The following B4GALNT2 variants were observed in gnomAD, a reference collection of about 807,000 sequenced individuals.
B4GALNT2 encodes the protein N-acetylneuraminylgalactosylglucosyl-glucoside beta-1,4-N- acetylgalactosaminyltransferase 2.
A neutral mutation model predicts 51.1 loss-of-function variants in B4GALNT2; 42 were observed. The ratio of observed to expected loss-of-function variants is 0.82; its 90% CI spans 0.64 to 1.06. The LOEUF (loss-of-function observed/expected upper bound fraction) is 1.06, where lower values mean the gene tolerates loss of function less well. B4GALNT2 is among the 50% of genes least tolerant of loss of function. B4GALNT2 has a pLI of 0.00. For missense variants in B4GALNT2, 602 were observed against 633.6 expected (o/e 0.95, Z 0.54); for synonymous variants, 253 against 251.7 (o/e 1.01, Z -0.05).
Position 49,160,545 on chromosome 17 carries a change from C to A in B4GALNT2, c.680-10C>A. 6.2e-7 allele frequency: 1 copy of A among 1,611,148 alleles called. No individual in the cohort carries two copies. Among genetic ancestry groups the A allele is most frequent in the Non-Finnish European group, 8.5e-7 (1 of 1,177,284 alleles). ...TACTCCCTGTGCCATTATCTTATTT[C>A]TCCCTCCAGTGAGTCTGGAGTCCAG... On this transcript the variant is annotated splice_polypyrimidine_tract_variant and intron_variant, in intron 6 of 10. Coordinates refer to ENST00000393354, the MANE Select transcript of B4GALNT2 (RefSeq NM_001159387.2).
chr17:49,145,634 C>T (rs2042687909), intron 3 of B4GALNT2, among the ~76,000 whole-genome samples: 1 of 152,152 alleles, frequency 6.6e-6, no homozygotes, highest in Non-Finnish European at 1.5e-5. Flanking sequence ...ACCTTCATTC[C>T]TGAAGGGTCT....
At chr17:49,151,859 A>G (rs1170975830) in intron 3 of B4GALNT2, among the ~76,000 whole-genome samples, 1 of 152,120 alleles carries the variant, frequency 6.6e-6, no homozygotes. Flanking sequence ...CTTGTGATTT[A>G]GTTTATTTAT....
chr17:49,129,833 T>C (rs368713683), upstream of B4GALNT2, among the ~76,000 whole-genome samples: 20 of 152,314 alleles, frequency 1.3e-4, no homozygotes, highest in African/African-American at 3.6e-4. Flanking sequence ...TGGTCCGAGA[T>C]GTCATTTGTG....
chr17:49,158,640 A>AC (rs1420358556), intron 5 of B4GALNT2, among the ~76,000 whole-genome samples: 2 of 150,980 alleles, frequency 1.3e-5, no homozygotes, highest in Admixed American at 6.6e-5. Context: ...CCATCTCAAA[A>AC]AAAAAAAAAA....
intron 3 of B4GALNT2, 55 bp from the exon 4 acceptor site, chr17:49,152,745 G>A (rs1598207524): frequency 6.9e-6 from 9 of 1,308,524 alleles, no homozygotes; most frequent in South Asian, 2.6e-5. Context: ...CTTTGAGAAC[G>A]AACCAGGGAC....
chr17:49,161,691 C>G (rs1018981631), intron 7 of B4GALNT2, among the ~76,000 whole-genome samples: 2 of 151,134 alleles, frequency 1.3e-5, no homozygotes, highest in Non-Finnish European at 3.0e-5. Flanking sequence ...GAAAAAAAAC[C>G]TGTAGTTAAT....
At position 49,174,804 on chromosome 17, in the gene B4GALNT2, C is replaced by T. The variant is rs926218633; in HGVS notation, c.*5076C>T. On this transcript the variant is annotated 3_prime_UTR_variant, in exon 11 of 11. Coordinates refer to ENST00000393354, the MANE Select transcript of B4GALNT2 (RefSeq NM_001159387.2). Reference sequence around the variant, plus strand: ...CAATGGCTGCCATCAAAAATGATATCCTAAACCTTGGCAGGAACTTTGTCT... The same window carrying T: ...CAATGGCTGCCATCAAAAATGATATTCTAAACCTTGGCAGGAACTTTGTCT... 3.9e-5 allele frequency: 6 copies of T among 152,134 alleles called. No individual in the cohort carries two copies. The highest frequency in any genetic ancestry group is 1.4e-4 in the African/African-American group (6 of 41,428). 9.4% of individuals were successfully genotyped at this position (152,134 alleles called of 1,614,324 possible). A position where few individuals can be genotyped will look rare whatever the true frequency, so the allele number is the denominator to read the frequency against.
At chr17:49,160,695 G>A in intron 7 of B4GALNT2, 54 bp downstream of exon 7, 1 of 1,502,352 alleles carries the variant, frequency 6.7e-7, no homozygotes, top group Non-Finnish European at 9.3e-7. Context: ...AGCTATTGGT[G>A]AAATTCAGAA....
intron 7 of B4GALNT2, among the ~76,000 whole-genome samples, 172 bp downstream of exon 7, chr17:49,160,813 T>C (rs777393599): frequency 2.0e-5 from 3 of 152,146 alleles, no homozygotes; most frequent in Non-Finnish European, 2.9e-5. Flanking sequence ...TCCCCTAAAA[T>C]TGCTTAATTA....
At position 49,168,680 on chromosome 17, in the gene B4GALNT2, G is replaced by A. The variant is rs1424680460; in HGVS notation, c.1096-1G>A. 1 of 1,612,694 alleles carries A rather than the reference G, an allele frequency of 6.2e-7. No homozygotes were observed. Among genetic ancestry groups the A allele is most frequent in the Admixed American group, 1.7e-5 (1 of 59,814 alleles). On this transcript the variant is annotated splice_acceptor_variant, in intron 9 of 10. Coordinates refer to ENST00000393354, the MANE Select transcript of B4GALNT2 (RefSeq NM_001159387.2). LOFTEE classifies it high-confidence loss of function. Reference sequence around the variant, plus strand: ...CATGGATTTCTCTGCCTGCTGGCTAGGTAGGCGGCAGTGTGCTGGGAAATG... The same window carrying A: ...CATGGATTTCTCTGCCTGCTGGCTAAGTAGGCGGCAGTGTGCTGGGAAATG...
chr17:49,141,918 T>G (rs1441669413), intron 2 of B4GALNT2, 117 bp from the exon 3 acceptor site: 15 of 1,324,254 alleles, frequency 1.1e-5, no homozygotes, highest in Non-Finnish European at 1.4e-5. Flanking sequence ...TCAGAACAGT[T>G]GGGTGTAGGA....
chr17:49,139,239 G>A (rs35987473), intron 1 of B4GALNT2, among the ~76,000 whole-genome samples: 9 of 149,156 alleles, frequency 6.0e-5, no homozygotes, highest in South Asian at 2.1e-4. Context: ...AGCAGTGGGC[G>A]TTTTTGTTTT....
chr17:49,133,657 A>T (rs957836670), intron 1 of B4GALNT2, among the ~76,000 whole-genome samples: 1 of 152,144 alleles, frequency 6.6e-6, no homozygotes, highest in Non-Finnish European at 1.5e-5. Flanking sequence ...TCTCATCTGT[A>T]ATCCCAGCAC....
At chr17:49,153,005 C>T (rs2042774372) in intron 4 of B4GALNT2, 99 bp downstream of exon 4, 4 of 1,075,242 alleles carry the variant, frequency 3.7e-6, no homozygotes, top group Non-Finnish European at 5.5e-6. Flanking sequence ...GCCTGTAATT[C>T]CAGCACTTTG....
chr17:49,138,940 T>C (rs2042615090), intron 1 of B4GALNT2, among the ~76,000 whole-genome samples: 1 of 152,130 alleles, frequency 6.6e-6, no homozygotes, highest in Non-Finnish European at 1.5e-5. Flanking sequence ...TGTTATGCTG[T>C]TGTGAGGATT....
At chr17:49,153,420 T>C (rs563410598) in intron 4 of B4GALNT2, among the ~76,000 whole-genome samples, 12 of 151,894 alleles carry the variant, frequency 7.9e-5, no homozygotes, top group Non-Finnish European at 1.6e-4. Context: ...GTCTCAAAAA[T>C]AGATAAAAAA....
At chr17:49,154,235 A>G (rs2042786621) in intron 4 of B4GALNT2, among the ~76,000 whole-genome samples, 1 of 152,078 alleles carries the variant, frequency 6.6e-6, no homozygotes, top group Non-Finnish European at 1.5e-5. Context: ...TCCTGACCTC[A>G]GGTGATCCAC....
upstream of B4GALNT2, among the ~76,000 whole-genome samples, chr17:49,131,736 C>G (rs35571655): frequency 0.021 from 3,167 of 152,226 alleles, 108 homozygotes; most frequent in African/African-American, 0.072. Context: ...GTCTCAAACT[C>G]CTGGCCTCAA....
chr17:49,148,699 CT>C (rs2042721048), intron 3 of B4GALNT2: 1 of 561,430 alleles, frequency 1.8e-6, no homozygotes, highest in Admixed American at 2.4e-5. Context: ...ACCTTCTTGT[CT>C]GCCAGCTCCA....
Sources: gnomAD v4.1 joint callset for allele counts (sites outside exome capture counted in the v4.1 genomes callset) on GRCh38, gnomAD v4.1.1 for gene constraint, MANE v1.5 for transcripts, NCBI Gene and HGNC (gene_info 2026-07-23, HGNC 2026-07-21) for gene names.